The following ZNF626 variants were observed in gnomAD, a reference collection of about 807,000 sequenced individuals.
ZNF626 encodes the protein CTC-513N18.7.
Under a neutral mutation model 11.7 loss-of-function variants are expected in ZNF626, and 4 were observed. The ratio of observed to expected loss-of-function variants is 0.34; its 90% CI spans 0.17 to 0.78. The LOEUF is 0.78. Ranked by LOEUF, ZNF626 falls within the 30% of genes least tolerant of loss-of-function variation. ZNF626 has a pLI of 0.57. For synonymous variants in ZNF626, 179 were observed against 198.6 expected, an observed-to-expected ratio of 0.90 and a Z score of 0.83; for missense variants, 588 against 587.1, an observed-to-expected ratio of 1.00 and a Z score of -0.01.
intron 3 of ZNF626, among the ~76,000 whole-genome samples, chr19:20,642,484 T>G (rs1391032605): frequency 3.3e-5 from 5 of 152,012 alleles, no homozygotes; most frequent in Non-Finnish European, 5.9e-5. Flanking sequence ...TAGTCCCAGC[T>G]ATTCCGGAGG....
At chr19:20,645,394 T>C (rs1970064961) in intron 3 of ZNF626, 1 of 1,608,112 alleles carries the variant, frequency 6.2e-7, no homozygotes, top group African/African-American at 1.3e-5. Flanking sequence ...CTGTGCAGTC[T>C]CTTATATGTC....
chr19:20,644,757 A>G (rs1970056948), intron 3 of ZNF626: 1 of 152,216 alleles, frequency 6.6e-6, no homozygotes. Flanking sequence ...AAACCTCTCT[A>G]AACTAATAAA....
At chr19:20,628,301 G>T (rs1969864057) in intron 3 of ZNF626, among the ~76,000 whole-genome samples, 1 of 152,172 alleles carries the variant, frequency 6.6e-6, no homozygotes, top group Non-Finnish European at 1.5e-5. Context: ...ACCCAGTAAT[G>T]GGATGGCTGG....
chr19:20,633,519 GC>G (rs1969932239), intron 3 of ZNF626, among the ~76,000 whole-genome samples: 1 of 152,046 alleles, frequency 6.6e-6, no homozygotes, highest in Non-Finnish European at 1.5e-5. Flanking sequence ...CCTCGCTGCT[GC>G]CTTGCAGTTT....
At chr19:20,645,152 G>T in intron 3 of ZNF626, 1 of 865,268 alleles carries the variant, frequency 1.2e-6, no homozygotes, top group Non-Finnish European at 1.5e-6. Context: ...AAGCAATCAT[G>T]AGGAAAATAA....
At chr19:20,627,869 G>A (rs1969857565) in intron 3 of ZNF626, among the ~76,000 whole-genome samples, 3 of 152,152 alleles carry the variant, frequency 2.0e-5, no homozygotes, top group Admixed American at 2.0e-4. Flanking sequence ...ATGTTGGTGT[G>A]TTGCACCCAT....
chr19:20,646,874 T>C lies in ZNF626; in HGVS notation c.4-469A>G, dbSNP rs142421802. The stretch of plus-strand genomic sequence containing the variant: ...TTTATTTATTTATTTAGAGATGGAG[T>C]TTCGCTCTTGTTGCCCAAGCTGGAG... On this transcript the variant is annotated intron_variant, in intron 1 of 3. Transcript: ENST00000601440. Among the ~76,000 whole-genome samples, 830 of 151,172 alleles carry C rather than the reference T, an allele frequency of 5.5e-3. 13 individuals are homozygous for C. The highest frequency in any genetic ancestry group is 0.02 in the African/African-American group (803 of 40,630).
Position 20,651,674 on chromosome 19 carries a change from T to C in ZNF626, c.4-5269A>G, listed in dbSNP as rs192501583. The stretch of plus-strand genomic sequence containing the variant: ...AAATGTCTCAAAGACCACTAGATGA[T>C]TGTGAGAGAATTCCCAGTGACCTGG... On this transcript the variant is annotated intron_variant, in intron 1 of 3. Coordinates refer to ENST00000601440, the MANE Select transcript of ZNF626 (RefSeq NM_001076675.3). Among the ~76,000 whole-genome samples the C allele has an allele frequency of 5.3e-5, 8 of 152,274 alleles. 1 individual carries two copies. The highest frequency in any genetic ancestry group is 3.9e-4 in the East Asian group (2 of 5,176).
chr19:20,624,916 C>T lies in ZNF626; in HGVS notation c.961G>A (p.Ala321Thr), dbSNP rs782793626. ...KPYKCEECDKAFKYSYTLTTH... is the reference protein window; with the variant it reads ...KPYKCEECDKTFKYSYTLTTH... ...GTAAGGGTATAGGAGTACTTAAAGGCTTTGTCACATTCTTCACATTTGTAG... is the reference window on the plus strand; with the variant it reads ...GTAAGGGTATAGGAGTACTTAAAGGTTTTGTCACATTCTTCACATTTGTAG... Residue 321 changes from alanine (A) to threonine (T), a missense_variant, in exon 4 of 4, where the codon GCC becomes ACC. Coordinates refer to ENST00000601440, the MANE Select transcript of ZNF626 (RefSeq NM_001076675.3). The T allele has an allele frequency of 3.7e-6, 6 of 1,613,600 alleles. No individual in the cohort carries two copies. The highest frequency in any genetic ancestry group is 1.3e-5 in the African/African-American group (1 of 74,828).
chr19:20,644,996 A>G (rs1425737747), intron 3 of ZNF626: 2 of 154,346 alleles, frequency 1.3e-5, no homozygotes, highest in African/African-American at 4.8e-5. Flanking sequence ...AATTGAAAAC[A>G]TGAATATTAT....
chr19:20,627,436 G>C (rs1309612654), intron 3 of ZNF626, among the ~76,000 whole-genome samples: 1 of 151,654 alleles, frequency 6.6e-6, no homozygotes, highest in Non-Finnish European at 1.5e-5. Flanking sequence ...GAAAATATTT[G>C]TATGGATACA....
rs1568460303 is a variant in ZNF626 at position 20,646,412 on chromosome 19, A to C, written c.4-7T>G. ...CTCTAAATTGCAATGGTCCCTGAAA[A>C]ACACACACACACACATTTTTACCAA... On this transcript the variant is annotated splice_polypyrimidine_tract_variant and splice_region_variant and intron_variant, in intron 1 of 3. Coordinates refer to ENST00000601440, the MANE Select transcript of ZNF626 (RefSeq NM_001076675.3). The C allele has an allele frequency of 3.7e-6, 6 of 1,609,946 alleles. No homozygotes were observed. Among genetic ancestry groups the C allele is most frequent in the Admixed American group, 1.7e-5 (1 of 59,792 alleles).
At chr19:20,630,762 T>A (rs1338898434) in intron 3 of ZNF626, among the ~76,000 whole-genome samples, 1 of 152,178 alleles carries the variant, frequency 6.6e-6, no homozygotes, top group African/African-American at 2.4e-5. Flanking sequence ...TTGAAGGGTT[T>A]TTTGTGTCTC....
chr19:20,626,476 T>C (rs782533962), intron 3 of ZNF626, among the ~76,000 whole-genome samples: 31 of 152,234 alleles, frequency 2.0e-4, no homozygotes, highest in South Asian at 1.9e-3. Context: ...CCCAACACAC[T>C]AGGGGGCCAA....
At chr19:20,652,069 T>C (rs1408837446) in intron 1 of ZNF626, among the ~76,000 whole-genome samples, 2 of 152,206 alleles carry the variant, frequency 1.3e-5, no homozygotes, top group Non-Finnish European at 2.9e-5. Context: ...GCTGTCTAGG[T>C]TGACATCTCA....
At chr19:20,637,753 C>T (rs1555771061) in intron 3 of ZNF626, among the ~76,000 whole-genome samples, 1 of 151,648 alleles carries the variant, frequency 6.6e-6, no homozygotes, top group Non-Finnish European at 1.5e-5. Context: ...GAAAGTAAAA[C>T]AGGAAATGAG....
intron 3 of ZNF626, among the ~76,000 whole-genome samples, chr19:20,637,520 T>C (rs1307655164): frequency 1.3e-5 from 2 of 151,516 alleles, no homozygotes; most frequent in African/African-American, 4.8e-5. Flanking sequence ...AATTTGTTAA[T>C]ATACCATATA....
chr19:20,636,076 G>A (rs190433003), intron 3 of ZNF626, among the ~76,000 whole-genome samples: 74 of 152,278 alleles, frequency 4.9e-4, no homozygotes, highest in African/African-American at 1.8e-3. Flanking sequence ...AGGTTTCAGT[G>A]AGCTGAGATC....
At chr19:20,654,366 C>T (rs1970181270) in intron 1 of ZNF626, among the ~76,000 whole-genome samples, 2 of 151,722 alleles carry the variant, frequency 1.3e-5, no homozygotes, top group African/African-American at 4.8e-5. Flanking sequence ...TTGCTTGAAC[C>T]TCGGAGGCGG....
Sources: allele counts gnomAD v4.1 joint callset (sites outside exome capture counted in the v4.1 genomes callset), GRCh38; gene constraint gnomAD v4.1.1; transcripts MANE v1.5; gene names NCBI Gene and HGNC (gene_info 2026-07-23, HGNC 2026-07-21).